ZBTB49: variants seen among roughly 807,000 people sequenced by gnomAD.
ZBTB49 encodes the protein zinc finger and BTB domain-containing protein 49.
A neutral mutation model predicts 57.5 loss-of-function variants in ZBTB49; 43 were observed. The ratio of observed to expected loss-of-function variants is 0.75; its 90% CI spans 0.59 to 0.97. The LOEUF is 0.97. ZBTB49 is among the 50% of genes least tolerant of loss of function. The pLI, the probability that ZBTB49 is intolerant of heterozygous loss-of-function variation, is 0.00. For missense variants in ZBTB49, 938 were observed against 947.7 expected (o/e 0.99, Z 0.13); for synonymous variants, 369 against 362.1 (o/e 1.02, Z -0.22).
At chr4:4,300,987 CAGTT>C (rs1247136096) in intron 2 of ZBTB49, among the ~76,000 whole-genome samples, 1 of 151,996 alleles carries the variant, frequency 6.6e-6, no homozygotes, top group Non-Finnish European at 1.5e-5. Context: ...AATTGAGTCT[CAGTT>C]ATTGTATAGA....
intron 7 of ZBTB49, among the ~76,000 whole-genome samples, chr4:4,318,080 A>G (rs1237358411): frequency 3.3e-5 from 5 of 152,068 alleles, no homozygotes; most frequent in East Asian, 3.9e-4. Flanking sequence ...CCTGTCCCCT[A>G]CTAGACCTAC....
At chr4:4,292,641 G>T (rs940225030) in intron 1 of ZBTB49, among the ~76,000 whole-genome samples, 7 of 152,198 alleles carry the variant, frequency 4.6e-5, no homozygotes, top group Non-Finnish European at 8.8e-5. Flanking sequence ...GCTTTTATGA[G>T]TAGGGTGGAG....
At chr4:4,317,316 G>A (rs941555689) in intron 7 of ZBTB49, among the ~76,000 whole-genome samples, 2 of 152,140 alleles carry the variant, frequency 1.3e-5, no homozygotes, top group African/African-American at 4.8e-5. Context: ...GACAGGGTCA[G>A]TTTTTTAACA....
At chr4:4,296,617 C>T (rs1444390725) in intron 1 of ZBTB49, among the ~76,000 whole-genome samples, 1 of 152,140 alleles carries the variant, frequency 6.6e-6, no homozygotes, top group Non-Finnish European at 1.5e-5. Flanking sequence ...TGTAAATTGC[C>T]CAGTCTTGGG....
In ZBTB49 at chr4:4,321,584, G is replaced by C. The variant is rs570349966; in HGVS notation, c.*268G>C. 10 of 510,892 alleles carry C rather than the reference G, an allele frequency of 2.0e-5. No individual in the cohort carries two copies. Among genetic ancestry groups the C allele is most frequent in the Non-Finnish European group, 2.8e-5 (8 of 287,500 alleles). The allele number at this position is 510,892 out of a possible 1,614,324, so 31.6% of individuals were successfully genotyped here. A position where few individuals can be genotyped will look rare whatever the true frequency, so the allele number is the denominator to read the frequency against. The stretch of plus-strand genomic sequence containing the variant: ...ATGCTGTCTCAGCAGCCTCAGCTGT[G>C]GGGGGGAAGCGCGTGTGCATCGTGT... On this transcript the variant is annotated 3_prime_UTR_variant, in exon 8 of 8. Coordinates refer to ENST00000337872, the MANE Select transcript of ZBTB49 (RefSeq NM_145291.4).
intron 1 of ZBTB49, among the ~76,000 whole-genome samples, chr4:4,299,532 A>G (rs1720377208): frequency 6.6e-6 from 1 of 152,110 alleles, no homozygotes; most frequent in Admixed American, 6.5e-5. Context: ...TTTATTTGAC[A>G]TATTCCTAAG....
intron 5 of ZBTB49, among the ~76,000 whole-genome samples, chr4:4,314,210 C>T (rs943934319): frequency 6.6e-6 from 1 of 152,222 alleles, no homozygotes; most frequent in Non-Finnish European, 1.5e-5. Flanking sequence ...AGTTCAGGGC[C>T]CAGTGTCATC....
rs1397875549 is a variant in ZBTB49 at position 4,290,313 on chromosome 4, G to A, written c.-59G>A. ...AGTGGCCTTGAAGGCAGCTGCTGCAGGTGAAGAGTAGGCGGCGGGGCAGAG... is the reference window on the plus strand; with the variant it reads ...AGTGGCCTTGAAGGCAGCTGCTGCAAGTGAAGAGTAGGCGGCGGGGCAGAG... On this transcript the variant is annotated 5_prime_UTR_variant, in exon 1 of 8. Transcript: ENST00000337872. 1 of 152,570 alleles carries A rather than the reference G, an allele frequency of 6.6e-6. No individual in the cohort carries two copies. Among genetic ancestry groups the A allele is most frequent in the Non-Finnish European group, 1.5e-5 (1 of 68,310 alleles). 9.5% of individuals were successfully genotyped at this position (152,570 alleles called of 1,614,324 possible).
At chr4:4,317,984 C>T (rs1721258025) in intron 7 of ZBTB49, among the ~76,000 whole-genome samples, 2 of 152,208 alleles carry the variant, frequency 1.3e-5, no homozygotes. Flanking sequence ...TTGAGAGCAG[C>T]TCCAGCATGC....
chr4:4,302,770 C>T lies in ZBTB49; in HGVS notation c.934C>T (p.Leu312Phe), dbSNP rs2108879338. 1 of 1,614,100 alleles carries T rather than the reference C, an allele frequency of 6.2e-7. No individual in the cohort carries two copies. The highest frequency in any genetic ancestry group is 8.5e-7 in the Non-Finnish European group (1 of 1,180,012). The change falls in exon 3 of 8, where the codon CTC becomes TTC. Residue 312 changes from leucine (L) to phenylalanine (F), a missense_variant. Physicochemically the swap from Leu to Phe is conservative, Grantham distance 22. This residue lies in a region of ZBTB49 where 835 missense variants were observed against 819.1 expected (regional missense o/e 1.02). Coordinates refer to ENST00000337872, the MANE Select transcript of ZBTB49 (RefSeq NM_145291.4). ...RLKKAIHLKK[L>F]NFLKSQKYAE... ...CAAAAAGGCCATTCATCTGAAGAAG[C>T]TCAATTTCCTGAAGTCACAGAAATA...
intron 1 of ZBTB49, among the ~76,000 whole-genome samples, chr4:4,293,507 T>A (rs1720041888): frequency 6.6e-6 from 1 of 152,210 alleles, no homozygotes; most frequent in Admixed American, 6.5e-5. Flanking sequence ...TACTTACCTA[T>A]TTTTAGCTGT....
In ZBTB49 at chr4:4,302,687, C is replaced by T; in HGVS notation, c.851C>T (p.Ser284Phe). 1 of 1,611,540 alleles carries T rather than the reference C, an allele frequency of 6.2e-7. No homozygotes were observed. The highest frequency in any genetic ancestry group is 1.1e-5 in the South Asian group (1 of 90,758). ...TTCCTGGCCCAGCCTGTGAATGACT[C>T]TGCCCCACACCCTGAGTCAGACGCC... Reference protein sequence around the residue: ...SNFLAQPVNDSAPHPESDATC... With the variant: ...SNFLAQPVNDFAPHPESDATC... The change falls in exon 3 of 8, where the codon TCT (serine) becomes TTT (phenylalanine). Residue 284 changes from serine to phenylalanine, a missense_variant. By Grantham distance (155) the Ser-to-Phe change is radical (BLOSUM62 -2). Transcript: ENST00000337872.
intron 4 of ZBTB49, among the ~76,000 whole-genome samples, chr4:4,309,583 C>A (rs889762466): frequency 3.3e-5 from 5 of 152,234 alleles, no homozygotes; most frequent in African/African-American, 1.2e-4. Context: ...GCAGCTGGTA[C>A]AGAGAGACGG....
rs1414949718 is a variant in ZBTB49, at chr4:4,318,006, G to A, written c.1621+2036G>A. ...CAGCTCCAGCATGCCTCTGTACAGT[G>A]GGTGGCAGCCCTCAGGCCTGTATTC... is the stretch of plus-strand genomic sequence containing the variant. On this transcript the variant is annotated intron_variant, in intron 7 of 7. Coordinates refer to ENST00000337872, the MANE Select transcript of ZBTB49 (RefSeq NM_145291.4). Among the ~76,000 whole-genome samples, 9 of 152,298 alleles carry A rather than the reference G, an allele frequency of 5.9e-5. No individual in the cohort carries two copies. The South Asian group carries it at 1.7e-3, about 28-fold the overall frequency.
intron 1 of ZBTB49, among the ~76,000 whole-genome samples, chr4:4,293,967 G>A (rs1366259468): frequency 1.3e-5 from 2 of 152,248 alleles, no homozygotes; most frequent in African/African-American, 4.8e-5. Flanking sequence ...CCCCATGGGA[G>A]AATCATCGGA....
At chr4:4,312,663 A>G (rs1294405636) in intron 4 of ZBTB49, among the ~76,000 whole-genome samples, 1 of 152,220 alleles carries the variant, frequency 6.6e-6, no homozygotes, top group African/African-American at 2.4e-5. Context: ...GTTTGTTTTA[A>G]GTGATGTTTT....
Position 4,290,276 on chromosome 4 carries a change from C to G in ZBTB49, c.-96C>G, listed in dbSNP as rs1358811323. The stretch of plus-strand genomic sequence containing the variant: ...GTTGTCGTGATGATTCCGCGGCCAG[C>G]GGATCGCTGCGAGTGGCCTTGAAGG... On this transcript the variant is annotated 5_prime_UTR_variant, in exon 1 of 8. Coordinates refer to ENST00000337872, the MANE Select transcript of ZBTB49 (RefSeq NM_145291.4). The G allele has an allele frequency of 6.6e-6, 1 of 152,342 alleles. No homozygotes were observed. The highest frequency in any genetic ancestry group is 2.1e-4 in the South Asian group (1 of 4,842). 9.4% of individuals were successfully genotyped at this position (152,342 alleles called of 1,614,324 possible).
chr4:4,313,947 A>G (rs543374039), intron 5 of ZBTB49, among the ~76,000 whole-genome samples: 3 of 152,366 alleles, frequency 2.0e-5, no homozygotes, highest in African/African-American at 4.8e-5. Flanking sequence ...GTCCATAAAA[A>G]TAAACAGTAC....
At chr4:4,320,041 G>A (rs1721343229) in intron 7 of ZBTB49, among the ~76,000 whole-genome samples, 1 of 152,212 alleles carries the variant, frequency 6.6e-6, no homozygotes, top group Admixed American at 6.5e-5. Flanking sequence ...TCCAGCCTGG[G>A]CGATTTTTTT....
Sources: gnomAD v4.1 joint callset for allele counts (sites outside exome capture counted in the v4.1 genomes callset) on GRCh38, gnomAD v4.1.1 for gene constraint, gnomAD v4.1.1 regional missense constraint, MANE v1.5 for transcripts, NCBI Gene and HGNC (gene_info 2026-07-23, HGNC 2026-07-21) for gene names.